The following TMX1 variants were observed in gnomAD, a reference collection of about 807,000 sequenced individuals.
The protein encoded by TMX1 is thioredoxin-related transmembrane protein 1.
A neutral mutation model predicts 36.6 loss-of-function variants in TMX1; 25 were observed. The observed-to-expected ratio is 0.68, with a 90% CI of 0.50 to 0.95. The LOEUF (loss-of-function observed/expected upper bound fraction) is 0.95, where lower values mean the gene tolerates loss of function less well. Ranked by LOEUF, TMX1 falls within the 40% of genes least tolerant of loss-of-function variation. The pLI is 0.00. For missense variants in TMX1, 347 were observed against 339.6 expected (o/e 1.02, Z -0.17); for synonymous variants, 133 against 118.0 (o/e 1.13, Z -0.82).
intron 4 of TMX1, 132 bp downstream of exon 4, chr14:51,247,352 ATTTTTTT>A (rs35852707): frequency 3.3e-5 from 10 of 300,456 alleles, no homozygotes; most frequent in Middle Eastern, 1.4e-3. Context: ...TACATGTTTG[ATTTTTTT>A]TTTTTTTTTT....
intron 4 of TMX1, 33 bp from the exon 5 acceptor site, chr14:51,249,293 A>T (rs1457624651): frequency 3.2e-6 from 5 of 1,546,250 alleles, no homozygotes; most frequent in Non-Finnish European, 4.4e-6. Flanking sequence ...TGTGTATGTT[A>T]CTCAGTTTTT....
chr14:51,243,846 T>C lies in TMX1; in HGVS notation c.153-10T>C. The C allele has an allele frequency of 6.3e-7, 1 of 1,583,128 alleles. No individual in the cohort carries two copies. On this transcript the variant is annotated splice_polypyrimidine_tract_variant and intron_variant, in intron 1 of 7. Transcript: ENST00000457354. ...TTAACTTTTTTTAAAAAAAAATCTG[T>C]ATTTCTTAGTTATGCCCCGTGGTGC...
intron 3 of TMX1, among the ~76,000 whole-genome samples, chr14:51,246,264 C>T (rs533556034): frequency 2.0e-5 from 3 of 152,190 alleles, no homozygotes; most frequent in Non-Finnish European, 2.9e-5. Context: ...AATTTCCTGC[C>T]CTTTTTCTTT....
chr14:51,251,149 A>C (rs1385060110), intron 7 of TMX1, among the ~76,000 whole-genome samples: 1 of 152,262 alleles, frequency 6.6e-6, no homozygotes. Context: ...AAAAGTAGCT[A>C]TACCGATGGT....
At chr14:51,247,047 A>G (rs1352563479) in intron 3 of TMX1, 45 bp from the exon 4 acceptor site, 8 of 1,521,686 alleles carry the variant, frequency 5.3e-6, no homozygotes, top group Non-Finnish European at 7.1e-6. Flanking sequence ...TAAATATTAA[A>G]TTATTTCTCA....
intron 7 of TMX1, among the ~76,000 whole-genome samples, chr14:51,251,095 T>A (rs2065810501): frequency 6.6e-6 from 1 of 152,224 alleles, no homozygotes; most frequent in Non-Finnish European, 1.5e-5. Flanking sequence ...AAATTGTGAA[T>A]AAAATGTAAG....
chr14:51,244,048 G>A (rs2065774549), intron 2 of TMX1, 77 bp downstream of exon 2: 4 of 1,159,876 alleles, frequency 3.4e-6, no homozygotes, highest in Non-Finnish European at 4.7e-6. Context: ...ACATTGCATA[G>A]TCTTAATTCT....
At position 51,240,284 on chromosome 14, in the gene TMX1, A is replaced by G. The variant is rs571116462; in HGVS notation, c.-9A>G. ...GACCGCGCTCCCTGTGAGGTGGGCA[A>G]GCGGCGAAATGGCGCCCTCCGGGAG... On this transcript the variant is annotated 5_prime_UTR_variant, in exon 1 of 8. Coordinates refer to ENST00000457354, the MANE Select transcript of TMX1 (RefSeq NM_030755.5). 4.4e-6 allele frequency: 7 copies of G among 1,608,540 alleles called. No individual in the cohort carries two copies. The highest frequency in any genetic ancestry group is 1.7e-5 in the Admixed American group (1 of 60,006).
At chr14:51,253,319 TA>T (rs902338469) in intron 7 of TMX1, among the ~76,000 whole-genome samples, 1 of 152,236 alleles carries the variant, frequency 6.6e-6, no homozygotes, top group African/African-American at 2.4e-5. Flanking sequence ...GGCGAGAACT[TA>T]CCCTTGGTAG....
chr14:51,247,262 T>G lies in TMX1; in HGVS notation c.443+42T>G, dbSNP rs772864946. The G allele has an allele frequency of 3.8e-6, 6 of 1,584,234 alleles. No homozygotes were observed. The South Asian group carries it at 7.0e-5, about 18-fold the overall frequency. The stretch of plus-strand genomic sequence containing the variant: ...TTTCTCTTACCCATTTCATAATTAA[T>G]TGGAACAGATAATTATATTTTATGT... On this transcript the variant is annotated intron_variant, in intron 4 of 7. Transcript: ENST00000457354.
rs180956502 is a variant in TMX1, at chr14:51,254,337, T to C, written c.665-4T>C. On this transcript the variant is annotated splice_region_variant and splice_polypyrimidine_tract_variant and intron_variant, in intron 7 of 7. Coordinates refer to ENST00000457354, the MANE Select transcript of TMX1 (RefSeq NM_030755.5). ...AAAATACATTTTTGGTCTTTGTCTT[T>C]AAGAAAAATTATTATCAGAATCTGC... 4,089 of 1,579,150 alleles carry C rather than the reference T, an allele frequency of 2.6e-3. 17 individuals are homozygous for C. Among genetic ancestry groups the C allele is most frequent in the Non-Finnish European group, 2.6e-3 (3,063 of 1,169,174 alleles).
chr14:51,253,720 T>G (rs1303404590), intron 7 of TMX1, among the ~76,000 whole-genome samples: 1 of 152,232 alleles, frequency 6.6e-6, no homozygotes, highest in Non-Finnish European at 1.5e-5. Context: ...CATTTTATTC[T>G]TGTAACTATG....
chr14:51,247,046 A>C (rs2065788753), intron 3 of TMX1, 46 bp from the exon 4 acceptor site: 2 of 1,519,202 alleles, frequency 1.3e-6, no homozygotes, highest in Admixed American at 4.1e-5. Context: ...ATAAATATTA[A>C]ATTATTTCTC....
intron 7 of TMX1, among the ~76,000 whole-genome samples, chr14:51,250,822 TC>T (rs2065808585): frequency 6.6e-6 from 1 of 152,190 alleles, no homozygotes. Flanking sequence ...CTTATTGAGA[TC>T]AAAATTTCCG....
chr14:51,243,756 A>T, intron 1 of TMX1, 100 bp from the exon 2 acceptor site: 1 of 855,552 alleles, frequency 1.2e-6, no homozygotes, highest in Non-Finnish European at 1.7e-6. Context: ...TTTTCATATG[A>T]AATATTCTTC....
rs1432782727 is a variant in TMX1, at chr14:51,256,148, T to C, written c.*1629T>C. 1 of 152,528 alleles carries C rather than the reference T, an allele frequency of 6.6e-6. No homozygotes were observed. The highest frequency in any genetic ancestry group is 2.4e-5 in the African/African-American group (1 of 41,444). 9.4% of individuals were successfully genotyped at this position (152,528 alleles called of 1,614,324 possible). Reference sequence around the variant, plus strand: ...AGTTGTGTGTTCCTATATATGTACTTGATATGTGTAATCAAAAGACTGCCT... The same window carrying C: ...AGTTGTGTGTTCCTATATATGTACTCGATATGTGTAATCAAAAGACTGCCT... On this transcript the variant is annotated 3_prime_UTR_variant, in exon 8 of 8. Coordinates refer to ENST00000457354, the MANE Select transcript of TMX1 (RefSeq NM_030755.5).
rs2065789673 is a variant in TMX1, at chr14:51,247,198, T to C, written c.421T>C (p.Trp141Arg). 8.1e-6 allele frequency: 13 copies of C among 1,613,648 alleles called. No individual in the cohort carries two copies. The highest frequency in any genetic ancestry group is 1.1e-5 in the Non-Finnish European group (13 of 1,179,790). Reference protein sequence around the residue: ...EWKSIEPVSSWFGPGSVLMSS... With the variant: ...EWKSIEPVSSRFGPGSVLMSS... ...GAAGAGTATTGAGCCCGTTTCATCA[T>C]GGTTTGGTCCAGGTTCTGTTCTGTA... is the stretch of plus-strand genomic sequence containing the variant. The change falls in exon 4 of 8, where the codon TGG becomes CGG. Residue 141 changes from tryptophan to arginine, a missense_variant. Trp to Arg is a moderately radical substitution (Grantham distance 101). Coordinates refer to ENST00000457354, the MANE Select transcript of TMX1 (RefSeq NM_030755.5).
rs965614630 is a variant in TMX1, at chr14:51,255,600, C to G, written c.*1081C>G. 19 of 151,906 alleles carry G rather than the reference C, an allele frequency of 1.3e-4. No individual in the cohort carries two copies. The highest frequency in any genetic ancestry group is 4.3e-4 in the African/African-American group (18 of 41,386). 9.4% of individuals were successfully genotyped at this position (151,906 alleles called of 1,614,324 possible). The stretch of plus-strand genomic sequence containing the variant: ...GAAAGTTCTTAATTGATTTTACAGT[C>G]TGTAATGCTTGATGTTTTAAAATAA... On this transcript the variant is annotated 3_prime_UTR_variant, in exon 8 of 8. Coordinates refer to ENST00000457354, the MANE Select transcript of TMX1 (RefSeq NM_030755.5).
chr14:51,243,873 C>T lies in TMX1; in HGVS notation c.170C>T (p.Pro57Leu). 6.2e-7 allele frequency: 1 copy of T among 1,609,504 alleles called. No individual in the cohort carries two copies. Among genetic ancestry groups the T allele is most frequent in the Non-Finnish European group, 8.5e-7 (1 of 1,177,818 alleles). The change falls in exon 2 of 8, where the codon CCT (proline) becomes CTT (leucine). Residue 57 changes from proline (P) to leucine (L), a missense_variant. By Grantham distance (98) the Pro-to-Leu change is moderately conservative. Coordinates refer to ENST00000457354, the MANE Select transcript of TMX1 (RefSeq NM_030755.5). ...WMIEFYAPWC[P>L]ACQNLQPEWE... Reference sequence around the variant, plus strand: ...TTTCTTAGTTATGCCCCGTGGTGCCCTGCTTGTCAAAATCTTCAACCGGAA... The same window carrying T: ...TTTCTTAGTTATGCCCCGTGGTGCCTTGCTTGTCAAAATCTTCAACCGGAA...
Sources: allele counts gnomAD v4.1 joint callset (sites outside exome capture counted in the v4.1 genomes callset), GRCh38; gene constraint gnomAD v4.1.1; transcripts MANE v1.5; gene names NCBI Gene and HGNC (gene_info 2026-07-23, HGNC 2026-07-21).